Variants in POLA1 observed in about 807,000 individuals in gnomAD.
POLA1 encodes the protein DNA polymerase alpha catalytic subunit.
POLA1 carries 15 observed loss-of-function variants against 124.0 expected under a neutral mutation model. The ratio of observed to expected loss-of-function variants is 0.12; its 90% CI spans 0.08 to 0.19. The LOEUF is 0.19. POLA1 is among the 10% of genes least tolerant of loss of function. The pLI is 1.00. For missense variants in POLA1, 886 were observed against 1,103.4 expected (o/e 0.80, Z 2.79); for synonymous variants, 408 against 389.4 (o/e 1.05, Z -0.56).
intron 29 of POLA1, among the ~76,000 whole-genome samples, chrX:24,813,662 G>A (rs6526405): frequency 0.49 from 53,791 of 109,920 alleles, 10,974 homozygotes; most frequent in African/African-American, 0.8. Context: ...AAAAATACAA[G>A]TATTAGCCAG....
intron 32 of POLA1, among the ~76,000 whole-genome samples, chrX:24,830,592 A>G (rs1245733078): frequency 8.9e-6 from 1 of 111,814 alleles, no homozygotes; most frequent in African/African-American, 3.3e-5. Flanking sequence ...CTCTTCTTAT[A>G]CAATAGCCCT....
At chrX:24,802,205 T>A (rs1325247839) in intron 26 of POLA1, among the ~76,000 whole-genome samples, 2 of 110,391 alleles carry the variant, frequency 1.8e-5, no homozygotes, top group African/African-American at 6.6e-5. Context: ...AATCTCATTT[T>A]AAAAAAATAC....
intron 15 of POLA1, 71 bp from the exon 16 acceptor site, chrX:24,732,299 G>T (rs1161165300): frequency 1.5e-6 from 1 of 677,022 alleles, no homozygotes; most frequent in African/African-American, 2.1e-5. Flanking sequence ...AATATTCTTG[G>T]TGATTTTGGT....
chrX:24,971,213 C>T (rs959544436), intron 36 of POLA1, among the ~76,000 whole-genome samples: 5 of 112,044 alleles, frequency 4.5e-5, no homozygotes, highest in South Asian at 3.8e-4. Context: ...AGGACAGTGT[C>T]GATGGGTCTG....
At chrX:24,971,351 T>A (rs1409407457) in intron 36 of POLA1, among the ~76,000 whole-genome samples, 4 of 112,576 alleles carry the variant, frequency 3.6e-5, no homozygotes, top group Non-Finnish European at 5.6e-5. Flanking sequence ...CCTCAGTGAA[T>A]GAAACCTGGG....
intron 34 of POLA1, among the ~76,000 whole-genome samples, chrX:24,844,449 T>C (rs1400423752): frequency 9.2e-6 from 1 of 109,224 alleles, no homozygotes; most frequent in Non-Finnish European, 1.9e-5. Flanking sequence ...GTAACTTCTT[T>C]TTAAAAGCTA....
chrX:24,930,116 A>G (rs1159704879), intron 35 of POLA1, among the ~76,000 whole-genome samples: 2 of 112,432 alleles, frequency 1.8e-5, no homozygotes, highest in African/African-American at 3.2e-5. Flanking sequence ...TAGGAAGCAC[A>G]TAGCACTTTT....
At chrX:24,773,728 A>T (rs1281484524) in intron 26 of POLA1, among the ~76,000 whole-genome samples, 1 of 112,249 alleles carries the variant, frequency 8.9e-6, no homozygotes, top group Non-Finnish European at 1.9e-5. Context: ...GGTAGATAAC[A>T]CTTCTTAAAT....
At chrX:24,924,909 G>A (rs756412803) in intron 35 of POLA1, among the ~76,000 whole-genome samples, 18 of 111,287 alleles carry the variant, frequency 1.6e-4, no homozygotes, top group Non-Finnish European at 3.4e-4. Flanking sequence ...AAACTTGTGA[G>A]AGTGGACCTG....
chrX:24,963,294 C>T (rs145895769), intron 36 of POLA1, among the ~76,000 whole-genome samples: 84 of 111,807 alleles, frequency 7.5e-4, no homozygotes, highest in African/African-American at 2.6e-3. Context: ...TCCAATTCAT[C>T]GTGATGAAGA....
At chrX:24,750,069 C>CAT (rs1324565920) in intron 26 of POLA1, among the ~76,000 whole-genome samples, 1 of 111,627 alleles carries the variant, frequency 9.0e-6, no homozygotes, top group African/African-American at 3.3e-5. Flanking sequence ...TGCAGCCTGC[C>CAT]ATCTATTTTT....
At chrX:24,738,218 T>C (rs1348666425) in intron 19 of POLA1, among the ~76,000 whole-genome samples, 1 of 22,071 alleles carries the variant, frequency 4.5e-5, no homozygotes, top group Non-Finnish European at 6.6e-5. Context: ...AGACTCCGTC[T>C]CAAAAAAAAA....
At chrX:24,977,909 G>A (rs1339391710) in intron 36 of POLA1, among the ~76,000 whole-genome samples, 6 of 111,049 alleles carry the variant, frequency 5.4e-5, no homozygotes, top group African/African-American at 2.0e-4. Flanking sequence ...TGGGGGTTTG[G>A]GGTCTCTGTC....
chrX:24,935,493 C>T (rs1483377896), intron 36 of POLA1, among the ~76,000 whole-genome samples: 1 of 112,882 alleles, frequency 8.9e-6, no homozygotes, highest in African/African-American at 3.2e-5. Context: ...CTTCAGGTCA[C>T]CCTGTTTCTC....
intron 34 of POLA1, among the ~76,000 whole-genome samples, chrX:24,846,606 G>A (rs2046480214): frequency 8.9e-6 from 1 of 111,747 alleles, no homozygotes; most frequent in Non-Finnish European, 1.9e-5. Flanking sequence ...GTGAAAAATT[G>A]ATATGTGTTC....
chrX:24,697,340 C>CACTGAGGCCA (rs746920186), intron 1 of POLA1, among the ~76,000 whole-genome samples: 96 of 111,583 alleles, frequency 8.6e-4, no homozygotes, highest in African/African-American at 3.0e-3. Context: ...TGAGGGGAAT[C>CACTGAGGCCA]GCTTTTCACT....
chrX:24,724,307 C>T, intron 11 of POLA1, 28 bp from the exon 12 acceptor site: 1 of 729,792 alleles, frequency 1.4e-6, no homozygotes, highest in Non-Finnish European at 2.1e-6. Flanking sequence ...CTTTTTTTTC[C>T]CCTCTGTCCC....
intron 26 of POLA1, among the ~76,000 whole-genome samples, chrX:24,790,911 GTATATATATATATATA>G (rs56343314): frequency 0.014 from 1,064 of 78,263 alleles, 20 homozygotes; most frequent in African/African-American, 0.053. Context: ...TTATGTATAT[GTATATATATATATATA>G]TATATATATA....
intron 36 of POLA1, among the ~76,000 whole-genome samples, chrX:24,984,902 C>T (rs1319146767): frequency 1.8e-5 from 2 of 110,376 alleles, no homozygotes; most frequent in Non-Finnish European, 3.8e-5. Context: ...CCTCATGATC[C>T]GCCCGCCTCG....
Sources: allele counts gnomAD v4.1 joint callset (sites outside exome capture counted in the v4.1 genomes callset), GRCh38; gene constraint gnomAD v4.1.1; transcripts MANE v1.5; gene names NCBI Gene and HGNC (gene_info 2026-07-23, HGNC 2026-07-21).